Variants in ADRA1B observed in about 807,000 individuals in gnomAD.
ADRA1B encodes the protein alpha-1B adrenergic receptor.
In ADRA1B, 17 loss-of-function variants were observed where a neutral mutation model predicts 17.9. That is an observed-to-expected ratio of 0.95 (90% CI 0.65 to 1.42). The LOEUF is 1.42. Ranked by LOEUF, ADRA1B falls within the 40% of genes most tolerant of loss-of-function variation. ADRA1B has a pLI of 0.00. For missense variants in ADRA1B, 681 were observed against 722.1 expected (o/e 0.94, Z 0.65); for synonymous variants, 366 against 327.6 (o/e 1.12, Z -1.27).
chr5:159,924,396 C>T (rs889238740), intron 1 of ADRA1B, among the ~76,000 whole-genome samples: 3 of 152,056 alleles, frequency 2.0e-5, no homozygotes, highest in South Asian at 2.1e-4. Flanking sequence ...CTCCTAAAGT[C>T]TTGGAATCAC....
intron 1 of ADRA1B, among the ~76,000 whole-genome samples, chr5:159,892,478 C>G (rs922555806): frequency 1.3e-5 from 2 of 152,136 alleles, no homozygotes; most frequent in African/African-American, 4.8e-5. Context: ...TGATGCTCTC[C>G]CTTCTCCCCC....
chr5:159,897,650 C>G (rs1754053639), intron 1 of ADRA1B, among the ~76,000 whole-genome samples: 1 of 152,162 alleles, frequency 6.6e-6, no homozygotes, highest in South Asian at 2.1e-4. Flanking sequence ...TACTAACCTC[C>G]CACAGAGTTG....
intron 1 of ADRA1B, among the ~76,000 whole-genome samples, chr5:159,937,152 C>T (rs1258164681): frequency 6.6e-6 from 1 of 152,224 alleles, no homozygotes; most frequent in Non-Finnish European, 1.5e-5. Context: ...CTGAAGTTCC[C>T]TGTATGTGTA....
At chr5:159,961,986 T>C (rs1755671745) in intron 1 of ADRA1B, among the ~76,000 whole-genome samples, 1 of 152,070 alleles carries the variant, frequency 6.6e-6, no homozygotes, top group South Asian at 2.1e-4. Context: ...CGAGGCGAGG[T>C]TAGGAGTTCA....
intron 1 of ADRA1B, among the ~76,000 whole-genome samples, chr5:159,964,592 G>A (rs1755739262): frequency 6.6e-6 from 1 of 152,210 alleles, no homozygotes; most frequent in Non-Finnish European, 1.5e-5. Context: ...CCTGGGATGG[G>A]GGAGTCTCAA....
At chr5:159,911,180 T>C (rs1754223646) in intron 1 of ADRA1B, among the ~76,000 whole-genome samples, 4 of 152,238 alleles carry the variant, frequency 2.6e-5, no homozygotes, top group Admixed American at 2.6e-4. Context: ...GCACCATAGA[T>C]TTTTGGGCAA....
At chr5:159,980,340 T>C in the ADRA1B span, among the ~76,000 whole-genome samples, 1 of 152,150 alleles carries the variant, frequency 6.6e-6, no homozygotes, top group Non-Finnish European at 1.5e-5. Context: ...CTCTAAAAGA[T>C]TTCTTTCTTA....
At chr5:159,893,330 G>A (rs139124471) in intron 1 of ADRA1B, among the ~76,000 whole-genome samples, 6 of 18,084 alleles carry the variant, frequency 3.3e-4, no homozygotes, top group Non-Finnish European at 8.6e-4. Flanking sequence ...TCTGTAAAGC[G>A]GGAATAAAAC....
At chr5:159,874,954 T>G (rs1289260482) in intron 1 of ADRA1B, among the ~76,000 whole-genome samples, 2 of 152,174 alleles carry the variant, frequency 1.3e-5, no homozygotes. Flanking sequence ...TTGGGCTAAA[T>G]GAGAACTGAG....
At chr5:159,908,685 G>A (rs72808186) in intron 1 of ADRA1B, among the ~76,000 whole-genome samples, 10,006 of 152,256 alleles carry the variant, frequency 0.066, 452 homozygotes, top group Non-Finnish European at 0.1. Context: ...CAGTGCAAGC[G>A]ATTAAGACAT....
chr5:159,865,164 C>T (rs1753637974), exon 1 of ADRA1B: 1 of 152,134 alleles, frequency 6.6e-6, no homozygotes, highest in Non-Finnish European at 1.5e-5. Context: ...CTGAGGGATC[C>T]TCACAGAAAC....
At chr5:159,883,142 A>T (rs769623864) in intron 1 of ADRA1B, among the ~76,000 whole-genome samples, 1 of 152,176 alleles carries the variant, frequency 6.6e-6, no homozygotes, top group Non-Finnish European at 1.5e-5. Context: ...TCTATCTCAC[A>T]AGTGGCCCTT....
At chr5:159,904,736 G>A (rs556264854) in intron 1 of ADRA1B, among the ~76,000 whole-genome samples, 1 of 152,344 alleles carries the variant, frequency 6.6e-6, no homozygotes, top group African/African-American at 2.4e-5. Flanking sequence ...GTCTCCTGAA[G>A]TGTTGTTTAA....
chr5:159,904,254 G>A (rs1373215892), intron 1 of ADRA1B, among the ~76,000 whole-genome samples: 2 of 152,212 alleles, frequency 1.3e-5, no homozygotes, highest in African/African-American at 2.4e-5. Flanking sequence ...CCATGGTCAA[G>A]TAACTTGCCT....
At chr5:159,951,801 A>T (rs1014819640) in intron 1 of ADRA1B, among the ~76,000 whole-genome samples, 3 of 152,158 alleles carry the variant, frequency 2.0e-5, no homozygotes, top group Non-Finnish European at 4.4e-5. Flanking sequence ...TGTCTGGCTT[A>T]GTTCTATCTT....
At chr5:159,883,131 C>T (rs952947780) in intron 1 of ADRA1B, among the ~76,000 whole-genome samples, 7 of 152,316 alleles carry the variant, frequency 4.6e-5, no homozygotes, top group South Asian at 2.1e-4. Flanking sequence ...CAAGCAAGCT[C>T]TCTATCTCAC....
At chr5:159,965,589 C>A (rs1755760746) in intron 1 of ADRA1B, among the ~76,000 whole-genome samples, 1 of 152,226 alleles carries the variant, frequency 6.6e-6, no homozygotes, top group Non-Finnish European at 1.5e-5. Context: ...TTAACGACAG[C>A]TTCTTGGTTT....
chr5:159,902,281 G>C (rs985916327), intron 1 of ADRA1B, among the ~76,000 whole-genome samples: 2 of 152,196 alleles, frequency 1.3e-5, no homozygotes, highest in African/African-American at 4.8e-5. Flanking sequence ...CATGAGATAA[G>C]TAGTTGAATT....
intron 1 of ADRA1B, among the ~76,000 whole-genome samples, chr5:159,885,791 TC>T (rs1461095823): frequency 6.6e-6 from 1 of 152,214 alleles, no homozygotes; most frequent in Non-Finnish European, 1.5e-5. Context: ...ACGAAAAACA[TC>T]CCAAGTTAGA....
Sources: allele counts gnomAD v4.1 joint callset (sites outside exome capture counted in the v4.1 genomes callset), GRCh38; gene constraint gnomAD v4.1.1; transcripts MANE v1.5; gene names NCBI Gene and HGNC (gene_info 2026-07-23, HGNC 2026-07-21).